The following SHANK2 variants were observed in gnomAD, a reference collection of about 807,000 sequenced individuals.
The protein encoded by SHANK2 is SH3 and multiple ankyrin repeat domains 2, also known as SH3 and multiple ankyrin repeat domains protein 2.
In SHANK2, 43 loss-of-function variants were observed where a neutral mutation model predicts 133.7. The ratio of observed to expected loss-of-function variants is 0.32; its 90% CI spans 0.25 to 0.41. SHANK2 has a LOEUF of 0.41. Among genes scored for constraint, SHANK2 ranks in the 10% least tolerant of loss-of-function variants. The pLI is 1.00. For missense variants in SHANK2, 1,994 were observed against 2,235.8 expected (o/e 0.89, Z 2.18); for synonymous variants, 1,017 against 952.8 (o/e 1.07, Z -1.24).
chr11:70,877,768 G>A (rs1162199909), intron 11 of SHANK2, among the ~76,000 whole-genome samples: 1 of 152,226 alleles, frequency 6.6e-6, no homozygotes, highest in Non-Finnish European at 1.5e-5. Flanking sequence ...GTAAGGCTGA[G>A]GCCAAGCAGA....
At chr11:70,672,639 C>T (rs1188405857) in intron 15 of SHANK2, among the ~76,000 whole-genome samples, 1 of 152,270 alleles carries the variant, frequency 6.6e-6, no homozygotes, top group East Asian at 1.9e-4. Flanking sequence ...TGGCTGCCGT[C>T]CTCCTGTGTC....
intron 1 of SHANK2, among the ~76,000 whole-genome samples, chr11:71,237,006 CCAAT>C (rs1954833359): frequency 6.6e-6 from 1 of 152,180 alleles, no homozygotes; most frequent in African/African-American, 2.4e-5. Context: ...AGTAATGGCT[CCAAT>C]CAGTCATACC....
At chr11:71,233,547 C>A (rs1555123256) in intron 1 of SHANK2, among the ~76,000 whole-genome samples, 1 of 152,214 alleles carries the variant, frequency 6.6e-6, no homozygotes, top group East Asian at 1.9e-4. Flanking sequence ...CCTAAATCGA[C>A]TCCGATGGTT....
Position 70,573,023 on chromosome 11 carries a change from T to C in SHANK2, c.2062-70092A>G, listed in dbSNP as rs565156988. Among the ~76,000 whole-genome samples the C allele has an allele frequency of 3.3e-5, 5 of 152,190 alleles. No individual in the cohort carries two copies. The South Asian group carries it at 1.0e-3, about 32-fold the overall frequency. On this transcript the variant is annotated intron_variant, in intron 17 of 25. Coordinates refer to ENST00000601538, the MANE Select transcript of SHANK2 (RefSeq NM_012309.5). ...CCATCGATCGTGACTGGTCACCAAA[T>C]TGTGGGCCATCGACATGATGACGGC... is the stretch of plus-strand genomic sequence containing the variant.
At chr11:71,164,066 A>G (rs548444876) in intron 2 of SHANK2, among the ~76,000 whole-genome samples, 12 of 152,232 alleles carry the variant, frequency 7.9e-5, no homozygotes, top group African/African-American at 2.6e-4. Flanking sequence ...ACCCTCCCAG[A>G]TGCCAGTGGT....
intron 17 of SHANK2, among the ~76,000 whole-genome samples, chr11:70,636,125 G>C (rs1023642953): frequency 1.3e-5 from 2 of 152,282 alleles, no homozygotes; most frequent in African/African-American, 4.8e-5. Flanking sequence ...CCACTCTGTC[G>C]ACAAAGGCGT....
At chr11:70,519,029 C>T (rs1554970549) in intron 17 of SHANK2, among the ~76,000 whole-genome samples, 1 of 152,180 alleles carries the variant, frequency 6.6e-6, no homozygotes, top group Non-Finnish European at 1.5e-5. Flanking sequence ...CCCACCTCAG[C>T]CTCTTGAGCA....
At chr11:70,623,597 T>G (rs2060862986) in intron 17 of SHANK2, among the ~76,000 whole-genome samples, 1 of 152,170 alleles carries the variant, frequency 6.6e-6, no homozygotes, top group Admixed American at 6.5e-5. Context: ...CCCAGCTCCT[T>G]CATTTCCCAG....
At chr11:70,824,408 T>C (rs1005040938) in intron 11 of SHANK2, among the ~76,000 whole-genome samples, 4 of 152,184 alleles carry the variant, frequency 2.6e-5, no homozygotes, top group Non-Finnish European at 5.9e-5. Flanking sequence ...TCATTGAAGA[T>C]GCCCTGCTAA....
intron 10 of SHANK2, among the ~76,000 whole-genome samples, chr11:70,902,884 G>C (rs1950043637): frequency 6.6e-6 from 1 of 152,202 alleles, no homozygotes; most frequent in Non-Finnish European, 1.5e-5. Context: ...GTCCCCTACA[G>C]ATGCAGGAAT....
At chr11:71,065,983 T>TTGG (rs1951051256) in intron 9 of SHANK2, among the ~76,000 whole-genome samples, 1 of 88,224 alleles carries the variant, frequency 1.1e-5, no homozygotes, top group Non-Finnish European at 2.1e-5. Context: ...AGTGGGGAAG[T>TTGG]TGGGAGGGGA....
At chr11:71,227,217 G>A (rs1239241831) in intron 1 of SHANK2, among the ~76,000 whole-genome samples, 1 of 151,930 alleles carries the variant, frequency 6.6e-6, no homozygotes, top group Non-Finnish European at 1.5e-5. Context: ...CAAATGTAAG[G>A]CCTAATGTAT....
At chr11:70,935,447 A>T (rs1289560841) in intron 10 of SHANK2, among the ~76,000 whole-genome samples, 4 of 152,114 alleles carry the variant, frequency 2.6e-5, no homozygotes, top group Admixed American at 6.5e-5. Flanking sequence ...GTTAGCCAGG[A>T]GTGAAAGGGA....
In SHANK2 at chr11:71,113,346, C is replaced by A. The variant is rs782383078; in HGVS notation, c.430G>T (p.Val144Leu). The A allele has an allele frequency of 1.7e-5, 26 of 1,551,592 alleles. No individual in the cohort carries two copies. The highest frequency in any genetic ancestry group is 2.3e-5 in the Non-Finnish European group (26 of 1,147,016). The change falls in exon 5 of 26, where the codon GTG (valine) becomes TTG (leucine). Residue 144 changes from valine to leucine, a missense_variant. Around this residue, in one of 5 missense-constraint regions of SHANK2, gnomAD observed 653 missense variants for 563.4 expected, o/e 1.16. Transcript: ENST00000601538. ...TCATCGAGACTGGCTTGTTTATACA[C>A]CCGCTTCTTGTATCGAAACTGGCAC... ...PSLEFRYKKR[V>L]YKQASLDEKQ... is the part of the protein sequence containing the mutation.
chr11:70,520,097 AC>A (rs1351363901), intron 17 of SHANK2, among the ~76,000 whole-genome samples: 2 of 152,134 alleles, frequency 1.3e-5, no homozygotes, highest in Non-Finnish European at 2.9e-5. Context: ...TTTTAGATTT[AC>A]AAAAAACATT....
intron 8 of SHANK2, among the ~76,000 whole-genome samples, chr11:71,081,110 T>A (rs997003920): frequency 3.3e-5 from 5 of 152,246 alleles, no homozygotes; most frequent in African/African-American, 9.6e-5. Context: ...GCCTGGCTGG[T>A]ATCCTTATAA....
At chr11:70,610,983 T>A (rs2060649925) in intron 17 of SHANK2, among the ~76,000 whole-genome samples, 3 of 152,202 alleles carry the variant, frequency 2.0e-5, no homozygotes, top group Admixed American at 6.5e-5. Context: ...CCAGCCTCTT[T>A]AAAAACCAGC....
chr11:70,697,744 G>A (rs2134479358), intron 15 of SHANK2, among the ~76,000 whole-genome samples: 1 of 152,308 alleles, frequency 6.6e-6, no homozygotes, highest in South Asian at 2.1e-4. Flanking sequence ...AGATATCCTG[G>A]AGGTCGGGGA....
intron 2 of SHANK2, among the ~76,000 whole-genome samples, chr11:71,207,559 C>T (rs1409415402): frequency 2.0e-5 from 3 of 152,232 alleles, no homozygotes; most frequent in African/African-American, 7.2e-5. Flanking sequence ...TGGTGAATTA[C>T]ATTCTCTCTG....
Sources: allele counts gnomAD v4.1 joint callset (sites outside exome capture counted in the v4.1 genomes callset), GRCh38; gene constraint gnomAD v4.1.1; regional missense constraint gnomAD v4.1.1; transcripts MANE v1.5; gene names NCBI Gene and HGNC (gene_info 2026-07-23, HGNC 2026-07-21).